MAD1L1: variants seen among roughly 807,000 people sequenced by gnomAD.
The protein encoded by MAD1L1 is mitotic spindle assembly checkpoint protein MAD1.
In MAD1L1, 95 loss-of-function variants were observed where a neutral mutation model predicts 96.9. The ratio of observed to expected loss-of-function variants is 0.98; its 90% CI spans 0.83 to 1.16. The LOEUF (loss-of-function observed/expected upper bound fraction) is 1.16. Among genes scored for constraint, MAD1L1 ranks in the 50% most tolerant of loss-of-function variants. MAD1L1 has a pLI of 0.00. For missense variants in MAD1L1, 1,007 were observed against 954.4 expected (o/e 1.06, Z -0.73); for synonymous variants, 473 against 396.6 (o/e 1.19, Z -2.29).
chr7:1,919,687 C>T (rs1032874317), intron 17 of MAD1L1, among the ~76,000 whole-genome samples: 7 of 152,210 alleles, frequency 4.6e-5, no homozygotes, highest in African/African-American at 1.2e-4. Flanking sequence ...TCCACAATGA[C>T]CGTGATTGGA....
chr7:2,140,644 C>T (rs536861066), intron 11 of MAD1L1, among the ~76,000 whole-genome samples: 57 of 152,340 alleles, frequency 3.7e-4, no homozygotes, highest in Non-Finnish European at 5.3e-4. Context: ...GCCAGGCCCC[C>T]GCCAGGAGAA....
intron 18 of MAD1L1, among the ~76,000 whole-genome samples, chr7:1,869,577 A>T (rs1340568858): frequency 6.6e-6 from 1 of 152,124 alleles, no homozygotes; most frequent in East Asian, 1.9e-4. Context: ...GGGAAAAAAC[A>T]CTGAAAAACG....
intron 1 of MAD1L1, among the ~76,000 whole-genome samples, chr7:2,231,290 A>T (rs537612810): frequency 6.6e-6 from 1 of 151,206 alleles, no homozygotes; most frequent in Non-Finnish European, 1.5e-5. Flanking sequence ...GGGGTGAGAC[A>T]GTGTCTCAAA....
rs143226288 is a variant in MAD1L1 at position 2,174,919 on chromosome 7, C to T, written c.987-25681G>A. 6.6e-4 allele frequency among the ~76,000 whole-genome samples: 101 copies of T among 152,250 alleles called. 3 individuals carry two copies. The highest frequency in any genetic ancestry group is 4.6e-3 in the East Asian group (24 of 5,186). On this transcript the variant is annotated intron_variant, in intron 10 of 18. Transcript: ENST00000265854. ...AGATGTCTAGGAGGCTCTGAATGAG[C>T]GACTGTGACGGCCACCTGTAAGTTT...
At chr7:2,198,931 G>C (rs1371533807) in intron 10 of MAD1L1, among the ~76,000 whole-genome samples, 2 of 152,150 alleles carry the variant, frequency 1.3e-5, no homozygotes, top group African/African-American at 2.4e-5. Context: ...GCCACAGGAA[G>C]CCGGCGACCA....
At chr7:2,107,230 TG>T (rs1458071749) in intron 11 of MAD1L1, among the ~76,000 whole-genome samples, 2 of 152,118 alleles carry the variant, frequency 1.3e-5, no homozygotes, top group African/African-American at 2.4e-5. Context: ...CAGTCAGAGT[TG>T]GTGAGGTCTC....
At chr7:1,970,310 A>G (rs1780346520) in intron 15 of MAD1L1, among the ~76,000 whole-genome samples, 1 of 147,390 alleles carries the variant, frequency 6.8e-6, no homozygotes, top group South Asian at 2.2e-4. Flanking sequence ...AGTTAATTTT[A>G]CTATATAATT....
intron 10 of MAD1L1, among the ~76,000 whole-genome samples, chr7:2,184,315 G>T (rs1791355395): frequency 6.6e-6 from 1 of 152,042 alleles, no homozygotes; most frequent in Non-Finnish European, 1.5e-5. Context: ...TAGGGAACTG[G>T]TCATTAGGGA....
chr7:1,979,180 C>T (rs367938349), intron 15 of MAD1L1, among the ~76,000 whole-genome samples: 56 of 152,260 alleles, frequency 3.7e-4, no homozygotes, highest in African/African-American at 1.3e-3. Flanking sequence ...CGCGGGGGGT[C>T]CAGGGGCCCA....
intron 11 of MAD1L1, among the ~76,000 whole-genome samples, chr7:2,129,140 G>A (rs947133350): frequency 3.3e-5 from 5 of 152,184 alleles, no homozygotes; most frequent in Non-Finnish European, 5.9e-5. Flanking sequence ...GGCAGGGACC[G>A]GGCAGGCGCA....
At chr7:1,956,929 G>A (rs1779753727) in intron 16 of MAD1L1, among the ~76,000 whole-genome samples, 1 of 152,228 alleles carries the variant, frequency 6.6e-6, no homozygotes, top group African/African-American at 2.4e-5. Flanking sequence ...CTGGCCCCCA[G>A]TCAGCAAGCA....
chr7:1,920,647 G>C (rs1788729755), intron 17 of MAD1L1, among the ~76,000 whole-genome samples: 1 of 152,172 alleles, frequency 6.6e-6, no homozygotes, highest in South Asian at 2.1e-4. Context: ...AGCCGAGTGG[G>C]GGCGGACTAC....
chr7:2,230,499 G>C lies in MAD1L1; in HGVS notation c.-11+50C>G, dbSNP rs529484304. ...TTCTCCAGAGACACAGAGCCAACAG[G>C]ACACAGAGACAGACACAAGAGAAGG... On this transcript the variant is annotated intron_variant, in intron 2 of 18. Transcript: ENST00000265854. 15 of 212,470 alleles carry C rather than the reference G, an allele frequency of 7.1e-5. No homozygotes were observed. The East Asian group carries it at 1.5e-3, about 21-fold the overall frequency. The allele number at this position is 212,470 out of a possible 1,614,324, so 13.2% of individuals were successfully genotyped here.
chr7:2,028,221 C>T (rs1413562818), intron 12 of MAD1L1, among the ~76,000 whole-genome samples: 2 of 151,890 alleles, frequency 1.3e-5, no homozygotes, highest in Non-Finnish European at 1.5e-5. Flanking sequence ...GTCAGGAGAT[C>T]GAGACCATCC....
chr7:1,947,071 G>A (rs1779262630), intron 16 of MAD1L1, among the ~76,000 whole-genome samples: 1 of 152,232 alleles, frequency 6.6e-6, no homozygotes, highest in Non-Finnish European at 1.5e-5. Context: ...GAGGGTGAGT[G>A]TGGTGAGTTT....
chr7:1,912,919 G>T (rs1788113167), intron 17 of MAD1L1, among the ~76,000 whole-genome samples: 1 of 152,078 alleles, frequency 6.6e-6, no homozygotes, highest in Non-Finnish European at 1.5e-5. Flanking sequence ...GGGGCTGTGT[G>T]GGCTCCGGCC....
chr7:1,882,248 G>A (rs564756651), intron 18 of MAD1L1, among the ~76,000 whole-genome samples: 1 of 152,350 alleles, frequency 6.6e-6, no homozygotes, highest in East Asian at 1.9e-4. Flanking sequence ...GAGGGCACCT[G>A]GGAGATGTTA....
At chr7:2,111,110 G>A (rs1267126517) in intron 11 of MAD1L1, among the ~76,000 whole-genome samples, 2 of 152,210 alleles carry the variant, frequency 1.3e-5, no homozygotes, top group African/African-American at 4.8e-5. Context: ...CCGACGAAAA[G>A]TAAATTAAAG....
chr7:1,863,803 G>C (rs1352452129), intron 18 of MAD1L1, among the ~76,000 whole-genome samples: 1 of 152,214 alleles, frequency 6.6e-6, no homozygotes, highest in Admixed American at 6.5e-5. Flanking sequence ...AAAGCCCCGA[G>C]GAAGGCCAGG....
Sources: gnomAD v4.1 joint callset for allele counts (sites outside exome capture counted in the v4.1 genomes callset) on GRCh38, gnomAD v4.1.1 for gene constraint, MANE v1.5 for transcripts, NCBI Gene and HGNC (gene_info 2026-07-23, HGNC 2026-07-21) for gene names.